NAALADL2: variants seen among roughly 807,000 people sequenced by gnomAD.
NAALADL2 encodes the protein inactive N-acetylated-alpha-linked acidic dipeptidase-like protein 2.
NAALADL2 carries 76 observed loss-of-function variants against 87.2 expected under a neutral mutation model. The ratio of observed to expected loss-of-function variants is 0.87; its 90% CI spans 0.72 to 1.05. NAALADL2 has a LOEUF of 1.05. NAALADL2 is among the 50% of genes least tolerant of loss of function. The pLI is 0.00. For synonymous variants in NAALADL2, 354 were observed against 331.0 expected, an observed-to-expected ratio of 1.07 and a Z score of -0.75; for missense variants, 1,089 against 945.8, an observed-to-expected ratio of 1.15 and a Z score of -1.99.
intron 5 of NAALADL2, among the ~76,000 whole-genome samples, chr3:175,396,796 G>A (rs1010795913): frequency 1.3e-5 from 2 of 151,994 alleles, no homozygotes; most frequent in African/African-American, 4.8e-5. Context: ...TTTATAAGGA[G>A]CTTCCCCCAC....
intron 2 of NAALADL2, among the ~76,000 whole-genome samples, chr3:174,628,204 G>A (rs573079477): frequency 8.5e-5 from 13 of 152,234 alleles, no homozygotes; most frequent in South Asian, 4.1e-4. Flanking sequence ...CTGGCCGGTC[G>A]TTGTGGCTCA....
intron 2 of NAALADL2, among the ~76,000 whole-genome samples, chr3:174,553,938 A>G (rs1307949534): frequency 1.3e-5 from 2 of 152,076 alleles, no homozygotes; most frequent in East Asian, 3.9e-4. Flanking sequence ...CATAATATAA[A>G]CTGTTAGCTA....
intron 10 of NAALADL2, among the ~76,000 whole-genome samples, chr3:175,596,156 G>A (rs901041060): frequency 1.3e-5 from 2 of 152,050 alleles, no homozygotes; most frequent in Non-Finnish European, 2.9e-5. Context: ...GTGAATTGCT[G>A]TGCATTTGTT....
At chr3:175,618,314 C>G (rs1725637622) in intron 10 of NAALADL2, among the ~76,000 whole-genome samples, 1 of 152,004 alleles carries the variant, frequency 6.6e-6, no homozygotes, top group African/African-American at 2.4e-5. Context: ...TCAGGACCTG[C>G]CTGAAACGAG....
intron 1 of NAALADL2, among the ~76,000 whole-genome samples, chr3:174,910,930 A>G (rs1195031155): frequency 6.6e-6 from 1 of 152,082 alleles, no homozygotes; most frequent in African/African-American, 2.4e-5. Flanking sequence ...AAAACTGACA[A>G]GCAGGGCGAA....
chr3:175,669,567 G>A (rs1321456998), intron 11 of NAALADL2, among the ~76,000 whole-genome samples: 1 of 151,944 alleles, frequency 6.6e-6, no homozygotes, highest in South Asian at 2.1e-4. Flanking sequence ...TATTATAGTT[G>A]TAATATTCAT....
At chr3:174,673,434 A>G (rs927686121) in intron 2 of NAALADL2, among the ~76,000 whole-genome samples, 1 of 152,208 alleles carries the variant, frequency 6.6e-6, no homozygotes, top group African/African-American at 2.4e-5. Context: ...TGGCAGGCTT[A>G]ATGAATGAAG....
At chr3:175,657,771 T>C (rs969399925) in intron 11 of NAALADL2, among the ~76,000 whole-genome samples, 1 of 151,856 alleles carries the variant, frequency 6.6e-6, no homozygotes, top group Non-Finnish European at 1.5e-5. Flanking sequence ...TTAGTAGAGA[T>C]GGGGTTTCAC....
At chr3:174,912,281 G>A (rs1733801921) in intron 1 of NAALADL2, among the ~76,000 whole-genome samples, 1 of 151,944 alleles carries the variant, frequency 6.6e-6, no homozygotes, top group East Asian at 1.9e-4. Flanking sequence ...AAGGAAGATG[G>A]AATGTCAACA....
chr3:175,407,672 G>T (rs1187518721), intron 5 of NAALADL2, among the ~76,000 whole-genome samples: 1 of 152,216 alleles, frequency 6.6e-6, no homozygotes, highest in Non-Finnish European at 1.5e-5. Flanking sequence ...ACTGGCTTCG[G>T]ACTGCAGTAG....
chr3:175,202,028 C>G (rs928921752), intron 2 of NAALADL2, among the ~76,000 whole-genome samples: 1 of 152,042 alleles, frequency 6.6e-6, no homozygotes, highest in Non-Finnish European at 1.5e-5. Context: ...CATCACAGCT[C>G]TAACAAGGTC....
At chr3:174,874,301 A>T (rs759413336) in intron 1 of NAALADL2, among the ~76,000 whole-genome samples, 1 of 152,196 alleles carries the variant, frequency 6.6e-6, no homozygotes, top group African/African-American at 2.4e-5. Flanking sequence ...ATTTACTCCT[A>T]TATGAGAACA....
chr3:174,474,173 T>G (rs1295694010), intron 1 of NAALADL2, among the ~76,000 whole-genome samples: 1 of 152,174 alleles, frequency 6.6e-6, no homozygotes, highest in Non-Finnish European at 1.5e-5. Context: ...TCTCATCTTT[T>G]CACTATTCAG....
intron 11 of NAALADL2, among the ~76,000 whole-genome samples, chr3:175,655,911 T>C (rs1169376163): frequency 1.3e-5 from 2 of 152,306 alleles, no homozygotes; most frequent in East Asian, 1.9e-4. Context: ...ACGCCCTTTG[T>C]GCATCTTACA....
chr3:175,775,609 C>T (rs1750120436), intron 13 of NAALADL2, among the ~76,000 whole-genome samples: 1 of 152,094 alleles, frequency 6.6e-6, no homozygotes, highest in Admixed American at 6.6e-5. Context: ...TCTTTCAAGT[C>T]TCATTAGATG....
chr3:175,304,769 T>G (rs537093948), intron 4 of NAALADL2, among the ~76,000 whole-genome samples: 4 of 152,212 alleles, frequency 2.6e-5, no homozygotes, highest in Admixed American at 2.0e-4. Context: ...TTTGTTCCAT[T>G]CTTAATGCTG....
At chr3:174,944,045 C>T (rs1257420173) in intron 1 of NAALADL2, among the ~76,000 whole-genome samples, 1 of 152,094 alleles carries the variant, frequency 6.6e-6, no homozygotes, top group Non-Finnish European at 1.5e-5. Flanking sequence ...GCCACTTTTC[C>T]TTAGGGCTGC....
intron 4 of NAALADL2, among the ~76,000 whole-genome samples, chr3:175,284,517 A>T (rs78145274): frequency 0.021 from 2,906 of 136,856 alleles, 93 homozygotes; most frequent in African/African-American, 0.082. Context: ...GGCCTGATTT[A>T]AAAAAAAAAA....
chr3:175,138,069 G>A (rs1025037791), intron 2 of NAALADL2, among the ~76,000 whole-genome samples: 5 of 152,128 alleles, frequency 3.3e-5, no homozygotes, highest in Admixed American at 2.6e-4. Context: ...CGGGGGTGAG[G>A]GATCAGACCT....
Sources: allele counts gnomAD v4.1 joint callset (sites outside exome capture counted in the v4.1 genomes callset), GRCh38; gene constraint gnomAD v4.1.1; transcripts MANE v1.5; gene names NCBI Gene and HGNC (gene_info 2026-07-23, HGNC 2026-07-21).